Variants in CADPS observed in about 807,000 individuals in gnomAD.
CADPS encodes the protein calcium dependent secretion activator.
CADPS carries 57 observed loss-of-function variants against 167.3 expected under a neutral mutation model. That is an observed-to-expected ratio of 0.34 (90% confidence interval 0.28 to 0.42). The LOEUF is 0.42. Among genes scored for constraint, CADPS ranks in the 20% least tolerant of loss-of-function variants. CADPS has a pLI of 1.00. For missense variants in CADPS, 1,414 were observed against 1,738.1 expected (o/e 0.81, Z 3.32); for synonymous variants, 676 against 635.3 (o/e 1.06, Z -0.96).
Position 62,689,542 on chromosome 3 carries a change from T to C in CADPS, c.889-27148A>G, listed in dbSNP as rs553947704. On this transcript the variant is annotated intron_variant, in intron 3 of 29. Transcript: ENST00000383710. Reference sequence around the variant, plus strand: ...GCTCCCCGAATGATAACTGAATCACTGCTTTATAAAATGTAGTCTTTTTTT... The same window carrying C: ...GCTCCCCGAATGATAACTGAATCACCGCTTTATAAAATGTAGTCTTTTTTT... Among the ~76,000 whole-genome samples the C allele has an allele frequency of 1.1e-4, 16 of 152,194 alleles. No individual in the cohort carries two copies. The South Asian group carries it at 2.3e-3, about 22-fold the overall frequency.
At chr3:62,588,297 C>CTTTTTTTTTTTTTTTTTT (rs34533495) in intron 7 of CADPS, among the ~76,000 whole-genome samples, 1 of 139,844 alleles carries the variant, frequency 7.2e-6, no homozygotes, top group Non-Finnish European at 1.5e-5. Context: ...CCAGGTCTTT[C>CTTTTTTTTTTTTTTTTTT]TTTTTTTTTT....
chr3:62,531,928 G>C (rs1308801886), intron 13 of CADPS, among the ~76,000 whole-genome samples: 2 of 152,214 alleles, frequency 1.3e-5, no homozygotes, highest in African/African-American at 4.8e-5. Flanking sequence ...TAAAGAAAGA[G>C]AGTACTTAGT....
intron 6 of CADPS, among the ~76,000 whole-genome samples, chr3:62,599,760 TTG>T (rs367575156): frequency 6.3e-5 from 1 of 15,770 alleles, no homozygotes; most frequent in Non-Finnish European, 1.0e-4. Context: ...ATTATATATA[TTG>T]TATATATAAT....
rs2059934295 is a variant in CADPS at position 62,466,356 on chromosome 3, T to C, written c.3535A>G (p.Thr1179Ala). Residue 1179 changes from threonine to alanine, a missense_variant, in exon 25 of 30, where the codon ACA becomes GCA. Physicochemically the swap from Thr to Ala is moderately conservative, Grantham distance 58. Transcript: ENST00000383710. ...LIEETVKEMI[T>A]LLVAKFVTIL... ...GAGGTTACCTTTGCAACCAAGAGTG[T>C]TATCATTTCTTTAACAGTTTCTTCA... 6.2e-7 allele frequency: 1 copy of C among 1,611,264 alleles called. No individual in the cohort carries two copies. The highest frequency in any genetic ancestry group is 1.7e-5 in the Admixed American group (1 of 59,990).
In CADPS at chr3:62,842,078, C is replaced by T. The variant is rs530781215; in HGVS notation, c.441+32511G>A. On this transcript the variant is annotated intron_variant, in intron 1 of 29. Transcript: ENST00000383710. ...GCAAATAATTCTATTTGAAATAAAC[C>T]AAGATATTTGGGAAGTTTTATACAG... is the stretch of plus-strand genomic sequence containing the variant. 3.1e-3 allele frequency among the ~76,000 whole-genome samples: 466 copies of T among 152,050 alleles called. 5 individuals carry two copies. The highest frequency in any genetic ancestry group is 0.011 in the African/African-American group (451 of 41,472).
At chr3:62,650,080 T>G (rs1302738246) in intron 5 of CADPS, among the ~76,000 whole-genome samples, 1 of 152,224 alleles carries the variant, frequency 6.6e-6, no homozygotes, top group Non-Finnish European at 1.5e-5. Context: ...GTTTTCATTT[T>G]TATTGGGTAT....
intron 6 of CADPS, among the ~76,000 whole-genome samples, chr3:62,611,205 G>C (rs1176433943): frequency 2.0e-4 from 30 of 152,140 alleles, no homozygotes; most frequent in Admixed American, 2.0e-3. Flanking sequence ...GGCTTCCTCA[G>C]GTCAGCAGTT....
At chr3:62,530,168 T>G (rs2073328988) in intron 13 of CADPS, among the ~76,000 whole-genome samples, 1 of 152,200 alleles carries the variant, frequency 6.6e-6, no homozygotes, top group South Asian at 2.1e-4. Flanking sequence ...AAATCATTAT[T>G]TGAGATGAAT....
At position 62,516,192 on chromosome 3, in the gene CADPS, G is replaced by A. The variant is rs1405063279; in HGVS notation, c.2458-10C>T. ...TATCTTTCATCAAAACCTTCAAGTA[G>A]GAAAAAGAGGGATTATTAAGAAGGT... On this transcript the variant is annotated splice_polypyrimidine_tract_variant and intron_variant, in intron 15 of 29. Coordinates refer to ENST00000383710, the MANE Select transcript of CADPS (RefSeq NM_003716.4). 6.2e-7 allele frequency: 1 copy of A among 1,611,968 alleles called. No individual in the cohort carries two copies. Among genetic ancestry groups the A allele is most frequent in the African/African-American group, 1.3e-5 (1 of 74,876 alleles).
At chr3:62,562,247 T>A (rs545830263) in intron 9 of CADPS, among the ~76,000 whole-genome samples, 1 of 152,310 alleles carries the variant, frequency 6.6e-6, no homozygotes, top group South Asian at 2.1e-4. Flanking sequence ...CTATTTTTAA[T>A]GTGATGTAGT....
chr3:62,788,386 T>G (rs1290310785), intron 1 of CADPS, among the ~76,000 whole-genome samples: 1 of 151,942 alleles, frequency 6.6e-6, no homozygotes, highest in African/African-American at 2.4e-5. Context: ...TAAGAAGAGG[T>G]TGAGAAAAGC....
chr3:62,714,820 A>T lies in CADPS; in HGVS notation c.888+38621T>A, dbSNP rs554274943. Among the ~76,000 whole-genome samples, 295 of 152,164 alleles carry T rather than the reference A, an allele frequency of 1.9e-3. 2 individuals are homozygous for T. Among genetic ancestry groups the T allele is most frequent in the African/African-American group, 6.7e-3 (279 of 41,514 alleles). ...TCTGGGGTCAGTAAAAGTTTTATTT[A>T]AAAAAAATTAAGTTTCTACCTATAG... On this transcript the variant is annotated intron_variant, in intron 3 of 29. Coordinates refer to ENST00000383710, the MANE Select transcript of CADPS (RefSeq NM_003716.4).
intron 8 of CADPS, among the ~76,000 whole-genome samples, chr3:62,584,039 C>G (rs1378901182): frequency 7.2e-6 from 1 of 139,500 alleles, no homozygotes; most frequent in Non-Finnish European, 1.5e-5. Flanking sequence ...GAGTCTCATT[C>G]TGTTGCCCAG....
At chr3:62,700,676 T>A (rs2081224570) in intron 3 of CADPS, among the ~76,000 whole-genome samples, 1 of 152,060 alleles carries the variant, frequency 6.6e-6, no homozygotes, top group African/African-American at 2.4e-5. Flanking sequence ...CTTCACGTGC[T>A]TTGTCTCCCT....
At chr3:62,784,695 C>T (rs903133550) in intron 1 of CADPS, among the ~76,000 whole-genome samples, 1 of 149,420 alleles carries the variant, frequency 6.7e-6, no homozygotes, top group Non-Finnish European at 1.5e-5. Flanking sequence ...CCAGCAAAAT[C>T]CACATTGTGG....
At chr3:62,708,693 G>T (rs866010165) in intron 3 of CADPS, among the ~76,000 whole-genome samples, 1 of 152,014 alleles carries the variant, frequency 6.6e-6, no homozygotes. Flanking sequence ...TTAGGAGAGA[G>T]CCAAAGCAGA....
At position 62,455,863 on chromosome 3, in the gene CADPS, C is replaced by G. The variant is rs1433582055; in HGVS notation, c.3636+9504G>C. On this transcript the variant is annotated intron_variant, in intron 26 of 29. Transcript: ENST00000383710. The surrounding 1 kb of genome is among the most constrained non-coding windows in gnomAD (Gnocchi z 4.4). ...GTAATGCTTCTGCACGAAGGGGTCA[C>G]TTGTGACCTCTGGTGTCCTTGACTT... is the stretch of plus-strand genomic sequence containing the variant. Among the ~76,000 whole-genome samples the G allele has an allele frequency of 6.6e-6, 1 of 152,170 alleles. No homozygotes were observed. The highest frequency in any genetic ancestry group is 1.5e-5 in the Non-Finnish European group (1 of 68,040).
At chr3:62,732,404 C>A (rs1254914136) in intron 3 of CADPS, among the ~76,000 whole-genome samples, 1 of 152,174 alleles carries the variant, frequency 6.6e-6, no homozygotes, top group Non-Finnish European at 1.5e-5. Context: ...ACTGAGAGAG[C>A]TTGGCTATAG....
chr3:62,538,818 C>T (rs1313820836), intron 11 of CADPS, among the ~76,000 whole-genome samples: 1 of 152,130 alleles, frequency 6.6e-6, no homozygotes. Context: ...TGCTGATGAC[C>T]TATTTCACTT....
Sources: allele counts gnomAD v4.1 joint callset (sites outside exome capture counted in the v4.1 genomes callset), GRCh38; gene constraint gnomAD v4.1.1; non-coding constraint Gnocchi (gnomAD v3.1); transcripts MANE v1.5; gene names NCBI Gene and HGNC (gene_info 2026-07-23, HGNC 2026-07-21).